Variants in POU6F2 observed in about 807,000 individuals in gnomAD.
The protein encoded by POU6F2 is POU class 6 homeobox 2, also known as POU domain, class 6, transcription factor 2.
Under a neutral mutation model 71.3 loss-of-function variants are expected in POU6F2, and 31 were observed. That is an observed-to-expected ratio of 0.43 (90% confidence interval 0.33 to 0.59). The LOEUF (loss-of-function observed/expected upper bound fraction) is 0.59, where lower values mean the gene tolerates loss of function less well. Among genes scored for constraint, POU6F2 ranks in the 20% least tolerant of loss-of-function variants. The probability of loss-of-function intolerance (pLI) is 0.04; values close to 1 mark genes in which losing one functional copy is unlikely to be tolerated. For synonymous variants in POU6F2, 347 were observed against 355.7 expected (o/e 0.98, Z 0.27); for missense variants, 783 against 856.8 (o/e 0.91, Z 1.07).
chr7:39,435,052 G>T (rs543038813), intron 7 of POU6F2, among the ~76,000 whole-genome samples: 5 of 152,248 alleles, frequency 3.3e-5, no homozygotes, highest in African/African-American at 4.8e-5. Flanking sequence ...ATTTGGGTTG[G>T]TTCCACGTCT....
chr7:39,446,104 A>G (rs1462075306), intron 7 of POU6F2, among the ~76,000 whole-genome samples: 1 of 152,242 alleles, frequency 6.6e-6, no homozygotes, highest in East Asian at 1.9e-4. Context: ...AGCTATTCCA[A>G]GGTACACATT....
chr7:39,145,642 G>A (rs1049544297), intron 2 of POU6F2, among the ~76,000 whole-genome samples: 1 of 152,138 alleles, frequency 6.6e-6, no homozygotes, highest in African/African-American at 2.4e-5. Flanking sequence ...TTGGGTCTGG[G>A]GCATTTTGAG....
At chr7:39,053,758 G>A (rs1790447995) in intron 1 of POU6F2, among the ~76,000 whole-genome samples, 1 of 151,900 alleles carries the variant, frequency 6.6e-6, no homozygotes, top group Non-Finnish European at 1.5e-5. Flanking sequence ...GTACTAACAT[G>A]TCTCTGGCCT....
intron 2 of POU6F2, among the ~76,000 whole-genome samples, chr7:39,107,825 A>G (rs913768457): frequency 2.6e-5 from 4 of 152,150 alleles, no homozygotes; most frequent in Non-Finnish European, 4.4e-5. Context: ...GTTCACCTCT[A>G]TTGTGGGATG....
intron 2 of POU6F2, among the ~76,000 whole-genome samples, chr7:39,186,846 C>G (rs1373988904): frequency 6.6e-6 from 1 of 152,128 alleles, no homozygotes; most frequent in Non-Finnish European, 1.5e-5. Flanking sequence ...TGGGCTCTAC[C>G]CTGCCCCCAG....
At chr7:39,086,612 T>C (rs551882330) in intron 2 of POU6F2, among the ~76,000 whole-genome samples, 108 of 152,294 alleles carry the variant, frequency 7.1e-4, no homozygotes, top group African/African-American at 2.5e-3. Context: ...GGTTCTCTGA[T>C]TCCCTCCTCT....
At chr7:39,197,148 G>T (rs73367204) in intron 2 of POU6F2, among the ~76,000 whole-genome samples, 4,000 of 152,292 alleles carry the variant, frequency 0.026, 166 homozygotes, top group African/African-American at 0.092. Flanking sequence ...ACCTCCCCAG[G>T]ACAGGACGGG....
At chr7:39,181,662 T>C (rs1281547152) in intron 2 of POU6F2, among the ~76,000 whole-genome samples, 1 of 152,218 alleles carries the variant, frequency 6.6e-6, no homozygotes, top group Non-Finnish European at 1.5e-5. Context: ...AAAGAGCTCC[T>C]GTTCCAACTC....
intron 5 of POU6F2, among the ~76,000 whole-genome samples, chr7:39,391,930 C>G (rs1263970086): frequency 6.6e-6 from 1 of 152,192 alleles, no homozygotes; most frequent in Non-Finnish European, 1.5e-5. Flanking sequence ...GTCCCATTCC[C>G]AGCCCAGAGG....
intron 1 of POU6F2, among the ~76,000 whole-genome samples, chr7:39,074,795 G>T (rs1040205783): frequency 1.3e-5 from 2 of 152,150 alleles, no homozygotes; most frequent in African/African-American, 4.8e-5. Flanking sequence ...GTCACACTTT[G>T]TCGGAAGGGT....
chr7:39,220,833 C>A (rs1272605225), intron 4 of POU6F2, among the ~76,000 whole-genome samples: 1 of 151,976 alleles, frequency 6.6e-6, no homozygotes, highest in Non-Finnish European at 1.5e-5. Context: ...ATGATGGCTA[C>A]TTTTGTTATT....
chr7:39,280,579 C>T (rs1036604792), intron 4 of POU6F2, among the ~76,000 whole-genome samples: 1 of 152,184 alleles, frequency 6.6e-6, no homozygotes, highest in Non-Finnish European at 1.5e-5. Context: ...ATAATTATGA[C>T]TACTTTCTGA....
chr7:39,123,843 T>C (rs1792092844), intron 2 of POU6F2, among the ~76,000 whole-genome samples: 1 of 152,086 alleles, frequency 6.6e-6, no homozygotes, highest in Non-Finnish European at 1.5e-5. Flanking sequence ...ACTTCACATA[T>C]GTTAAGAAGA....
In POU6F2 at chr7:39,248,509, C is replaced by T. The variant is rs1014724809; in HGVS notation, c.598+40889C>T. Among the ~76,000 whole-genome samples, 10 of 152,168 alleles carry T rather than the reference C, an allele frequency of 6.6e-5. No homozygotes were observed. The South Asian group carries it at 1.2e-3, about 19-fold the overall frequency. ...AGATGTCTGTGCCTCTCCACTACAG[C>T]GGGCGCCCAGAGATCACAGAAATCC... On this transcript the variant is annotated intron_variant, in intron 4 of 9. Coordinates refer to ENST00000518318, the MANE Select transcript of POU6F2 (RefSeq NM_001370959.1).
chr7:39,184,664 G>GT (rs1160647229), intron 2 of POU6F2, among the ~76,000 whole-genome samples: 4 of 152,182 alleles, frequency 2.6e-5, no homozygotes, highest in Non-Finnish European at 5.9e-5. Context: ...TGTGGCTTGG[G>GT]TGGGGCACTC....
chr7:39,434,097 G>C (rs759527965), intron 7 of POU6F2, among the ~76,000 whole-genome samples: 1 of 152,148 alleles, frequency 6.6e-6, no homozygotes, highest in Non-Finnish European at 1.5e-5. Flanking sequence ...ACTCTGCCCG[G>C]ACAGTTTTTA....
intron 6 of POU6F2, among the ~76,000 whole-genome samples, chr7:39,430,483 G>C (rs765566950): frequency 6.6e-6 from 1 of 152,210 alleles, no homozygotes; most frequent in Non-Finnish European, 1.5e-5. Flanking sequence ...CATAGGCAGC[G>C]CCATGTTTTA....
chr7:39,259,158 T>TGA (rs199747067), intron 4 of POU6F2, among the ~76,000 whole-genome samples: 132,295 of 151,628 alleles, frequency 0.87, 57,757 homozygotes, highest in Admixed American at 0.89. Flanking sequence ...ACTATAGATA[T>TGA]TAAGAGCCCA....
chr7:39,002,878 T>C (rs77401609), intron 1 of POU6F2, among the ~76,000 whole-genome samples: 121 of 152,348 alleles, frequency 7.9e-4, no homozygotes, highest in African/African-American at 2.8e-3. Flanking sequence ...TGCATAGAAA[T>C]ATGAAGGTTT....
Sources: allele counts gnomAD v4.1 joint callset (sites outside exome capture counted in the v4.1 genomes callset), GRCh38; gene constraint gnomAD v4.1.1; transcripts MANE v1.5; gene names NCBI Gene and HGNC (gene_info 2026-07-23, HGNC 2026-07-21).